The following VWC2L variants were observed in gnomAD, a reference collection of about 807,000 sequenced individuals.
VWC2L encodes the protein von Willebrand factor C domain containing 2 like, also known as von Willebrand factor C domain-containing protein 2-like.
VWC2L carries 10 observed loss-of-function variants against 21.6 expected under a neutral mutation model. The ratio of observed to expected loss-of-function variants is 0.46; its 90% CI spans 0.29 to 0.78. The LOEUF (loss-of-function observed/expected upper bound fraction) is 0.78. VWC2L is among the 30% of genes least tolerant of loss of function. The pLI, the probability that VWC2L is intolerant of heterozygous loss-of-function variation, is 0.10. For missense variants in VWC2L, 209 were observed against 277.1 expected (o/e 0.75, Z 1.74); for synonymous variants, 96 against 94.3 (o/e 1.02, Z -0.10).
intron 2 of VWC2L, among the ~76,000 whole-genome samples, chr2:214,423,884 T>C (rs1198779390): frequency 2.0e-5 from 3 of 152,130 alleles, no homozygotes; most frequent in South Asian, 2.1e-4. Context: ...TGTATTTTGA[T>C]GGTTTTAGAA....
chr2:214,468,522 ATGAAACATTTCTAAT>A (rs1703258400), intron 3 of VWC2L, among the ~76,000 whole-genome samples: 1 of 152,232 alleles, frequency 6.6e-6, no homozygotes, highest in East Asian at 1.9e-4. Context: ...GCTAAATACA[ATGAAACATTTCTAAT>A]TGACTACCTT....
intron 3 of VWC2L, among the ~76,000 whole-genome samples, chr2:214,523,856 T>C (rs1689283626): frequency 6.6e-6 from 1 of 152,100 alleles, no homozygotes; most frequent in East Asian, 1.9e-4. Context: ...ATTAGTTAAT[T>C]AGTTGAATAA....
intron 3 of VWC2L, among the ~76,000 whole-genome samples, chr2:214,564,346 A>G (rs1690028862): frequency 6.6e-6 from 1 of 152,254 alleles, no homozygotes; most frequent in African/African-American, 2.4e-5. Context: ...ATCATAAAAG[A>G]GCTCATATAG....
intron 3 of VWC2L, among the ~76,000 whole-genome samples, chr2:214,485,581 C>T (rs1408184899): frequency 6.6e-6 from 1 of 152,148 alleles, no homozygotes; most frequent in African/African-American, 2.4e-5. Context: ...GGGCCCAGCA[C>T]ACAGGGAAAA....
chr2:214,515,534 T>C (rs1357777900), intron 3 of VWC2L, among the ~76,000 whole-genome samples: 2 of 152,108 alleles, frequency 1.3e-5, no homozygotes, highest in African/African-American at 4.8e-5. Flanking sequence ...CACATGGTTT[T>C]TCATTTATTT....
chr2:214,537,706 T>A (rs1471039205), intron 3 of VWC2L, among the ~76,000 whole-genome samples: 4 of 152,118 alleles, frequency 2.6e-5, no homozygotes, highest in Non-Finnish European at 5.9e-5. Flanking sequence ...GCGTACCACA[T>A]AATTATATAA....
At chr2:214,572,303 G>A (rs771813318) in intron 3 of VWC2L, among the ~76,000 whole-genome samples, 4 of 152,110 alleles carry the variant, frequency 2.6e-5, no homozygotes, top group Non-Finnish European at 5.9e-5. Flanking sequence ...TTCTTTGAGA[G>A]TTATTGAGTT....
In VWC2L at chr2:214,436,686, G is replaced by A; in HGVS notation, c.448G>A (p.Ala150Thr). ...CAGCAATGAAGTTCACTGTGTTGTA[G>A]CAGACTGCGCAGTTCCTGAGTGTGT... Reference protein sequence around the residue: ...EPSNEVHCVVADCAVPECVNP... With the variant: ...EPSNEVHCVVTDCAVPECVNP... The change falls in exon 3 of 4, where the codon GCA becomes ACA. Residue 150 changes from alanine to threonine, a missense_variant. Coordinates refer to ENST00000312504, the MANE Select transcript of VWC2L (RefSeq NM_001080500.4). 1.2e-6 allele frequency: 2 copies of A among 1,613,476 alleles called. No individual in the cohort carries two copies. The highest frequency in any genetic ancestry group is 4.5e-5 in the East Asian group (2 of 44,876).
chr2:214,524,713 C>T (rs911614652), intron 3 of VWC2L, among the ~76,000 whole-genome samples: 2 of 152,034 alleles, frequency 1.3e-5, no homozygotes, highest in African/African-American at 2.4e-5. Flanking sequence ...TTGATGATGC[C>T]GCATCAATGC....
intron 3 of VWC2L, among the ~76,000 whole-genome samples, chr2:214,448,855 G>A (rs1702912201): frequency 6.6e-6 from 1 of 152,068 alleles, no homozygotes; most frequent in Non-Finnish European, 1.5e-5. Flanking sequence ...CATGTGAAAA[G>A]GGCAGCTGTT....
chr2:214,470,916 CAAAAAAAAAAAAAAAAA>C (rs56041924), intron 3 of VWC2L, among the ~76,000 whole-genome samples: 1 of 50,794 alleles, frequency 2.0e-5, no homozygotes, highest in Non-Finnish European at 3.1e-5. Flanking sequence ...AACTCCATCT[CAAAAAAAAAAAAAAAAA>C]AAAAAAAAAA....
At chr2:214,567,874 C>G (rs941171998) in intron 3 of VWC2L, among the ~76,000 whole-genome samples, 1 of 152,060 alleles carries the variant, frequency 6.6e-6, no homozygotes, top group African/African-American at 2.4e-5. Flanking sequence ...AAAATAAGGC[C>G]ATGTATAAAA....
At chr2:214,460,144 G>T (rs539373624) in intron 3 of VWC2L, among the ~76,000 whole-genome samples, 3 of 151,954 alleles carry the variant, frequency 2.0e-5, no homozygotes, top group Admixed American at 2.0e-4. Context: ...CAGGTGATCC[G>T]CCTGCCTCAG....
At chr2:214,427,866 G>GA (rs1224180269) in intron 2 of VWC2L, among the ~76,000 whole-genome samples, 1 of 152,124 alleles carries the variant, frequency 6.6e-6, no homozygotes. Flanking sequence ...ATAATGGTAA[G>GA]AAAAATAGTC....
chr2:214,523,474 A>C (rs1689276977), intron 3 of VWC2L, among the ~76,000 whole-genome samples: 1 of 152,222 alleles, frequency 6.6e-6, no homozygotes, highest in African/African-American at 2.4e-5. Flanking sequence ...TCAAGTTGAG[A>C]AACAGATTTT....
At chr2:214,421,885 C>CA in intron 2 of VWC2L, among the ~76,000 whole-genome samples, 1 of 76,144 alleles carries the variant, frequency 1.3e-5, no homozygotes, top group Non-Finnish European at 2.2e-5. Context: ...TTTCCTACAT[C>CA]TTTTTTTTTT....
At chr2:214,533,602 G>C (rs1334253323) in intron 3 of VWC2L, among the ~76,000 whole-genome samples, 1 of 149,282 alleles carries the variant, frequency 6.7e-6, no homozygotes, top group Non-Finnish European at 1.5e-5. Flanking sequence ...ACAAATAACA[G>C]ACAGGATCCA....
At chr2:214,526,057 T>C (rs1296992102) in intron 3 of VWC2L, among the ~76,000 whole-genome samples, 2 of 151,008 alleles carry the variant, frequency 1.3e-5, no homozygotes, top group Non-Finnish European at 2.9e-5. Context: ...TTCCCAGTCA[T>C]ACCAAAAATA....
At chr2:214,559,173 C>A (rs141946359) in intron 3 of VWC2L, among the ~76,000 whole-genome samples, 1 of 151,840 alleles carries the variant, frequency 6.6e-6, no homozygotes, top group Non-Finnish European at 1.5e-5. Flanking sequence ...ACAAAGTGGG[C>A]GAAGGACATG....
Sources: allele counts gnomAD v4.1 joint callset (sites outside exome capture counted in the v4.1 genomes callset), GRCh38; gene constraint gnomAD v4.1.1; transcripts MANE v1.5; gene names NCBI Gene and HGNC (gene_info 2026-07-23, HGNC 2026-07-21).